The following LRRC4C variants were observed in gnomAD, a reference collection of about 807,000 sequenced individuals.
LRRC4C encodes the protein leucine rich repeat containing 4C.
LRRC4C carries 5 observed loss-of-function variants against 33.6 expected under a neutral mutation model. The observed-to-expected ratio is 0.15, with a 90% CI of 0.08 to 0.31. The LOEUF (loss-of-function observed/expected upper bound fraction) is 0.31, where lower values mean the gene tolerates loss of function less well. Ranked by LOEUF, LRRC4C falls within the 10% of genes least tolerant of loss-of-function variation. LRRC4C has a pLI of 1.00. For missense variants in LRRC4C, 560 were observed against 796.7 expected (o/e 0.70, Z 3.58); for synonymous variants, 329 against 302.0 (o/e 1.09, Z -0.93).
In LRRC4C at chr11:40,194,959, C is replaced by T. The variant is rs543993030; in HGVS notation, c.-96+46560G>A. On this transcript the variant is annotated intron_variant, in intron 5 of 6. Coordinates refer to ENST00000528697, the MANE Select transcript of LRRC4C (RefSeq NM_001258419.2). ...ACAAACAATTAGCCGGGTGTGGTGG[C>T]GGGAGCCTGTAGTCCCAGCTACTCC... 3.3e-5 allele frequency among the ~76,000 whole-genome samples: 5 copies of T among 151,650 alleles called. No individual in the cohort carries two copies. In the South Asian group the frequency reaches 8.3e-4, roughly 25 times the overall value.
At chr11:41,306,598 T>C (rs1950512031) in intron 1 of LRRC4C, among the ~76,000 whole-genome samples, 1 of 152,132 alleles carries the variant, frequency 6.6e-6, no homozygotes, top group Admixed American at 6.5e-5. Flanking sequence ...CCTGAACTCA[T>C]GGAGAATGCA....
intron 3 of LRRC4C, among the ~76,000 whole-genome samples, chr11:40,643,309 A>G (rs1331529242): frequency 2.0e-5 from 3 of 152,220 alleles, no homozygotes; most frequent in Non-Finnish European, 4.4e-5. Flanking sequence ...AGAAAAATGT[A>G]TGGCCTTATC....
At position 41,082,034 on chromosome 11, in the gene LRRC4C, G is replaced by A. The variant is rs1939611410; in HGVS notation, c.-495-148311C>T. The stretch of plus-strand genomic sequence containing the variant: ...CAGATGGCAGCCTTTGAACCCAAGG[G>A]CCACCTTGATTGAACTGGTCTCAAT... On this transcript the variant is annotated intron_variant, in intron 1 of 6. Transcript: ENST00000528697. Among the ~76,000 whole-genome samples, 4 of 152,134 alleles carry A rather than the reference G, an allele frequency of 2.6e-5. No individual in the cohort carries two copies. The South Asian group carries it at 8.3e-4, about 32-fold the overall frequency.
intron 2 of LRRC4C, among the ~76,000 whole-genome samples, chr11:40,912,642 C>A (rs1020044129): frequency 3.8e-4 from 58 of 152,094 alleles, no homozygotes; most frequent in Non-Finnish European, 6.9e-4. Flanking sequence ...CATCAACTAA[C>A]GAGCAAAATA....
Position 40,945,965 on chromosome 11 carries a change from C to A in LRRC4C, c.-495-12242G>T, listed in dbSNP as rs572581709. On this transcript the variant is annotated intron_variant, in intron 1 of 6. Transcript: ENST00000528697. ...AAGTTTTATTTTAGATTTGGTGGGT[C>A]CACGTGCAGGTTTGTTATATTTGTA... Among the ~76,000 whole-genome samples, 7 of 152,228 alleles carry A rather than the reference C, an allele frequency of 4.6e-5. No homozygotes were observed. The East Asian group carries it at 1.4e-3, about 29-fold the overall frequency.
At chr11:40,948,959 G>A (rs1463574432) in intron 1 of LRRC4C, among the ~76,000 whole-genome samples, 2 of 152,042 alleles carry the variant, frequency 1.3e-5, no homozygotes, top group South Asian at 2.1e-4. Context: ...TTCCACAATG[G>A]TTGAACTAGT....
At chr11:40,284,580 T>G (rs1032431325) in intron 4 of LRRC4C, among the ~76,000 whole-genome samples, 1 of 152,132 alleles carries the variant, frequency 6.6e-6, no homozygotes, top group Non-Finnish European at 1.5e-5. Flanking sequence ...GAGGAAAAAT[T>G]GGCATTATCA....
intron 3 of LRRC4C, among the ~76,000 whole-genome samples, chr11:40,457,340 CA>C (rs1242268210): frequency 2.0e-5 from 3 of 151,596 alleles, no homozygotes; most frequent in Non-Finnish European, 2.9e-5. Context: ...AAATCAAGAG[CA>C]AAAAAGGTTT....
At chr11:40,588,672 TTG>T (rs1459679420) in intron 3 of LRRC4C, among the ~76,000 whole-genome samples, 3 of 152,152 alleles carry the variant, frequency 2.0e-5, no homozygotes, top group Non-Finnish European at 4.4e-5. Flanking sequence ...CTCTGGTATG[TTG>T]TGTCTTTGTT....
At chr11:41,209,916 C>T (rs1332704030) in intron 1 of LRRC4C, among the ~76,000 whole-genome samples, 4 of 152,008 alleles carry the variant, frequency 2.6e-5, no homozygotes, top group African/African-American at 9.7e-5. Flanking sequence ...AAGAGTGGGG[C>T]TTCAATCAGA....
chr11:41,223,999 A>G (rs945436594), intron 1 of LRRC4C, among the ~76,000 whole-genome samples: 5 of 152,184 alleles, frequency 3.3e-5, no homozygotes, highest in Admixed American at 1.3e-4. Context: ...ATGGAAAATT[A>G]TACTCTGTTT....
intron 1 of LRRC4C, among the ~76,000 whole-genome samples, chr11:41,276,105 T>C (rs1949475131): frequency 2.0e-5 from 3 of 152,184 alleles, no homozygotes; most frequent in South Asian, 2.1e-4. Flanking sequence ...AACATAACAT[T>C]CTATCCACCT....
chr11:41,377,789 A>ATG (rs1952993201), intron 1 of LRRC4C, among the ~76,000 whole-genome samples: 1 of 152,178 alleles, frequency 6.6e-6, no homozygotes, highest in East Asian at 1.9e-4. Flanking sequence ...CAACTATTAC[A>ATG]GTCAAGGACA....
intron 2 of LRRC4C, among the ~76,000 whole-genome samples, chr11:40,754,011 T>TAC (rs1311451994): frequency 4.0e-5 from 6 of 151,842 alleles, no homozygotes; most frequent in Admixed American, 1.3e-4. Context: ...TATATATATA[T>TAC]ACACACACAC....
intron 3 of LRRC4C, among the ~76,000 whole-genome samples, chr11:40,561,822 A>T (rs1487768022): frequency 6.6e-6 from 1 of 152,164 alleles, no homozygotes; most frequent in Non-Finnish European, 1.5e-5. Flanking sequence ...ATTGATTGAA[A>T]CTAAATAGTT....
chr11:41,380,238 G>A (rs909689295), intron 1 of LRRC4C, among the ~76,000 whole-genome samples: 1 of 152,126 alleles, frequency 6.6e-6, no homozygotes, highest in African/African-American at 2.4e-5. Context: ...GTTTTGCACT[G>A]TAGTTGACAG....
At chr11:40,461,819 G>T (rs2138191862) in intron 3 of LRRC4C, among the ~76,000 whole-genome samples, 1 of 151,306 alleles carries the variant, frequency 6.6e-6, no homozygotes, top group African/African-American at 2.4e-5. Flanking sequence ...ATAATGGATG[G>T]GAAATCATCA....
At chr11:41,454,627 G>A (rs1956123483) in intron 1 of LRRC4C, among the ~76,000 whole-genome samples, 1 of 151,966 alleles carries the variant, frequency 6.6e-6, no homozygotes, top group African/African-American at 2.4e-5. Flanking sequence ...CCTTATATTC[G>A]GTATCATTTT....
At chr11:40,524,426 T>C (rs1955953683) in intron 3 of LRRC4C, among the ~76,000 whole-genome samples, 1 of 152,226 alleles carries the variant, frequency 6.6e-6, no homozygotes, top group Non-Finnish European at 1.5e-5. Flanking sequence ...AGAAATTCTC[T>C]GGCTTTCATA....
Sources: allele counts gnomAD v4.1 joint callset (sites outside exome capture counted in the v4.1 genomes callset), GRCh38; gene constraint gnomAD v4.1.1; transcripts MANE v1.5; gene names NCBI Gene and HGNC (gene_info 2026-07-23, HGNC 2026-07-21).